FHIT: variants seen among roughly 807,000 people sequenced by gnomAD.
The protein encoded by FHIT is fragile histidine triad diadenosine triphosphatase, also known as bis(5'-adenosyl)-triphosphatase.
In FHIT, 19 loss-of-function variants were observed where a neutral mutation model predicts 17.9. That is an observed-to-expected ratio of 1.06 (90% confidence interval 0.74 to 1.56). The LOEUF (loss-of-function observed/expected upper bound fraction) is 1.56. Among genes scored for constraint, FHIT ranks in the 40% most tolerant of loss-of-function variants. The probability of loss-of-function intolerance (pLI) is 0.00; values close to 1 mark genes in which losing one functional copy is unlikely to be tolerated. For missense variants in FHIT, 248 were observed against 189.2 expected, an observed-to-expected ratio of 1.31 and a Z score of -1.82; for synonymous variants, 81 against 69.7, an observed-to-expected ratio of 1.16 and a Z score of -0.81.
chr3:60,193,485 A>C (rs932603273), intron 5 of FHIT, among the ~76,000 whole-genome samples: 5 of 152,250 alleles, frequency 3.3e-5, no homozygotes, highest in Admixed American at 3.3e-4. Flanking sequence ...TTAGTTGGCT[A>C]AAGAGCTTCC....
At chr3:61,020,814 G>C (rs2032381540) in intron 3 of FHIT, among the ~76,000 whole-genome samples, 1 of 151,984 alleles carries the variant, frequency 6.6e-6, no homozygotes, top group Non-Finnish European at 1.5e-5. Context: ...ACACACAAAG[G>C]CTCAAAATAA....
intron 5 of FHIT, among the ~76,000 whole-genome samples, chr3:60,311,751 GGC>G (rs1708957483): frequency 6.6e-6 from 1 of 152,086 alleles, no homozygotes; most frequent in Non-Finnish European, 1.5e-5. Context: ...GGCTCCTTCA[GGC>G]CCTCTCAATA....
intron 3 of FHIT, among the ~76,000 whole-genome samples, chr3:60,867,368 C>T (rs1553754082): frequency 1.3e-5 from 2 of 152,068 alleles, no homozygotes; most frequent in Non-Finnish European, 2.9e-5. Context: ...CACATACATG[C>T]TTAAGTAGAC....
intron 5 of FHIT, among the ~76,000 whole-genome samples, chr3:60,403,414 G>C (rs1031432386): frequency 6.6e-6 from 1 of 152,094 alleles, no homozygotes; most frequent in African/African-American, 2.4e-5. Context: ...TCAGGGCTCA[G>C]AAAGATAATA....
At chr3:60,528,950 C>T (rs1224992452) in intron 5 of FHIT, among the ~76,000 whole-genome samples, 1 of 152,182 alleles carries the variant, frequency 6.6e-6, no homozygotes. Context: ...AAACATAACT[C>T]CACTGCCTAA....
chr3:60,482,887 A>G (rs763671659), intron 5 of FHIT, among the ~76,000 whole-genome samples: 6 of 151,924 alleles, frequency 3.9e-5, no homozygotes, highest in Non-Finnish European at 7.4e-5. Flanking sequence ...ATAAATGAAG[A>G]CAAGAGCTGG....
chr3:60,006,290 G>A (rs1279232074), intron 7 of FHIT, among the ~76,000 whole-genome samples: 26 of 152,264 alleles, frequency 1.7e-4, no homozygotes, highest in Non-Finnish European at 1.5e-5. Flanking sequence ...CATATAATCA[G>A]AGTAAAGTTT....
chr3:59,811,977 G>A (rs1428443449), intron 8 of FHIT, among the ~76,000 whole-genome samples: 1 of 152,168 alleles, frequency 6.6e-6, no homozygotes, highest in African/African-American at 2.4e-5. Context: ...CCCCGTGGCA[G>A]CTCATCCTAC....
At chr3:60,151,868 A>G (rs1433878710) in intron 5 of FHIT, among the ~76,000 whole-genome samples, 1 of 151,932 alleles carries the variant, frequency 6.6e-6, no homozygotes, top group Non-Finnish European at 1.5e-5. Context: ...CTATCCCCTT[A>G]TTTTCCTCCT....
intron 7 of FHIT, among the ~76,000 whole-genome samples, chr3:59,977,223 T>C (rs1253136351): frequency 6.6e-6 from 1 of 152,160 alleles, no homozygotes; most frequent in Non-Finnish European, 1.5e-5. Context: ...ATCATACATC[T>C]GCTGATGGTC....
intron 7 of FHIT, among the ~76,000 whole-genome samples, chr3:59,998,813 T>C (rs1699618107): frequency 6.6e-6 from 1 of 152,142 alleles, no homozygotes; most frequent in Non-Finnish European, 1.5e-5. Context: ...ATTTCCAGTT[T>C]ATTTCTGACA....
At chr3:61,128,472 A>G (rs1444524932) in intron 2 of FHIT, among the ~76,000 whole-genome samples, 1 of 152,200 alleles carries the variant, frequency 6.6e-6, no homozygotes, top group Non-Finnish European at 1.5e-5. Context: ...TCTAACCTGC[A>G]ATTACAATAT....
At chr3:60,396,002 C>G (rs762328733) in intron 5 of FHIT, among the ~76,000 whole-genome samples, 45 of 152,096 alleles carry the variant, frequency 3.0e-4, no homozygotes, top group Non-Finnish European at 5.7e-4. Context: ...CACCACATCA[C>G]AGATCACCAC....
chr3:61,239,271 C>CT (rs2040309044), intron 1 of FHIT, among the ~76,000 whole-genome samples: 1 of 152,226 alleles, frequency 6.6e-6, no homozygotes, highest in Admixed American at 6.5e-5. Context: ...CCTGTATGGC[C>CT]TGGGCCCTAT....
intron 7 of FHIT, among the ~76,000 whole-genome samples, chr3:59,961,292 G>A (rs1707666431): frequency 1.3e-5 from 2 of 152,132 alleles, no homozygotes; most frequent in South Asian, 4.1e-4. Flanking sequence ...CCAGGGACAT[G>A]TAAATACAAT....
chr3:59,855,331 G>A (rs959436295), intron 8 of FHIT, among the ~76,000 whole-genome samples: 2 of 152,006 alleles, frequency 1.3e-5, no homozygotes, highest in East Asian at 3.9e-4. Flanking sequence ...TTATCTTCTT[G>A]TCTCCAAGGT....
intron 7 of FHIT, among the ~76,000 whole-genome samples, chr3:59,932,840 G>T (rs2107235397): frequency 6.6e-6 from 1 of 152,200 alleles, no homozygotes; most frequent in South Asian, 2.1e-4. Flanking sequence ...ACTGCCATGT[G>T]GAGGGAAACA....
At chr3:60,833,411 A>C (rs1266446428) in intron 3 of FHIT, among the ~76,000 whole-genome samples, 5 of 152,174 alleles carry the variant, frequency 3.3e-5, no homozygotes, top group African/African-American at 1.2e-4. Flanking sequence ...ATACATTTAC[A>C]GTGCCATGAA....
rs139188389 is a variant in FHIT at position 59,946,748 on chromosome 3, T to C, written c.280-24334A>G. ...GGATGTCTAATTTTATCAAAAGGCT[T>C]TTCTACATCTATTGAGATAATCATG... On this transcript the variant is annotated intron_variant, in intron 7 of 9. Transcript: ENST00000492590. Among the ~76,000 whole-genome samples, 225 of 152,364 alleles carry C rather than the reference T, an allele frequency of 1.5e-3. 2 individuals are homozygous for C. The highest frequency in any genetic ancestry group is 5.3e-3 in the African/African-American group (219 of 41,594).
Sources: gnomAD v4.1 joint callset for allele counts (sites outside exome capture counted in the v4.1 genomes callset) on GRCh38, gnomAD v4.1.1 for gene constraint, MANE v1.5 for transcripts, NCBI Gene and HGNC (gene_info 2026-07-23, HGNC 2026-07-21) for gene names.